HTR4: variants seen among roughly 807,000 people sequenced by gnomAD.
The protein encoded by HTR4 is 5-hydroxytryptamine receptor 4.
Under a neutral mutation model 36.8 loss-of-function variants are expected in HTR4, and 16 were observed. The ratio of observed to expected loss-of-function variants is 0.43; its 90% confidence interval spans 0.29 to 0.66. HTR4 has a LOEUF of 0.66. Ranked by LOEUF, HTR4 falls within the 30% of genes least tolerant of loss-of-function variation. The probability of loss-of-function intolerance (pLI) is 0.13; values close to 1 mark genes in which losing one functional copy is unlikely to be tolerated. For synonymous variants in HTR4, 189 were observed against 185.1 expected (o/e 1.02, Z -0.17); for missense variants, 438 against 490.9 (o/e 0.89, Z 1.02).
At chr5:148,469,778 C>T (rs1034364236) in intron 5 of HTR4, among the ~76,000 whole-genome samples, 1 of 152,180 alleles carries the variant, frequency 6.6e-6, no homozygotes, top group African/African-American at 2.4e-5. Context: ...CAAAGTATAT[C>T]ATTTGGAGAA....
chr5:148,595,104 G>T (rs564431696), intron 2 of HTR4, among the ~76,000 whole-genome samples: 10 of 150,184 alleles, frequency 6.7e-5, no homozygotes, highest in South Asian at 2.1e-4. Flanking sequence ...TAACCAAATG[G>T]GATTATACAA....
intron 2 of HTR4, among the ~76,000 whole-genome samples, chr5:148,573,550 CTTATA>C (rs1561627634): frequency 4.6e-5 from 7 of 151,788 alleles, no homozygotes; most frequent in Non-Finnish European, 2.9e-5. Context: ...CTGGAAGTGA[CTTATA>C]TTATATCTAC....
chr5:148,608,792 G>A (rs764068338), intron 2 of HTR4, among the ~76,000 whole-genome samples: 1 of 152,214 alleles, frequency 6.6e-6, no homozygotes, highest in Non-Finnish European at 1.5e-5. Context: ...TAACCCAGGT[G>A]AGAGATGATA....
chr5:148,653,300 A>T (rs1389003951), intron 1 of HTR4, among the ~76,000 whole-genome samples: 1 of 152,134 alleles, frequency 6.6e-6, no homozygotes, highest in Non-Finnish European at 1.5e-5. Flanking sequence ...TTCTCTTAAC[A>T]TTGAACTCTA....
At chr5:148,561,441 T>C (rs996678972) in intron 2 of HTR4, among the ~76,000 whole-genome samples, 1 of 152,180 alleles carries the variant, frequency 6.6e-6, no homozygotes, top group African/African-American at 2.4e-5. Context: ...TCAATTCTTC[T>C]TGGAAATGAA....
At chr5:148,623,707 T>G (rs1047277832) in intron 2 of HTR4, among the ~76,000 whole-genome samples, 3 of 152,290 alleles carry the variant, frequency 2.0e-5, no homozygotes, top group Non-Finnish European at 4.4e-5. Context: ...AATGGAATTC[T>G]GATACACAGG....
chr5:148,494,213 A>G (rs1405071268), intron 6 of HTR4, among the ~76,000 whole-genome samples: 1 of 152,256 alleles, frequency 6.6e-6, no homozygotes, highest in Non-Finnish European at 1.5e-5. Flanking sequence ...ACAGTGAAGT[A>G]TAAGAACATG....
chr5:148,609,693 G>T (rs1388932486), intron 2 of HTR4, among the ~76,000 whole-genome samples: 1 of 151,664 alleles, frequency 6.6e-6, no homozygotes. Context: ...AGCCTCCCGA[G>T]TAGCTGGGAC....
downstream of HTR4, among the ~76,000 whole-genome samples, chr5:148,471,825 A>G (rs541886092): frequency 6.6e-6 from 1 of 152,228 alleles, no homozygotes; most frequent in Non-Finnish European, 1.5e-5. Flanking sequence ...TTTTTAGGGA[A>G]AAGATCATGG....
intron 2 of HTR4, among the ~76,000 whole-genome samples, chr5:148,607,574 G>T (rs570935722): frequency 6.6e-6 from 1 of 152,250 alleles, no homozygotes; most frequent in East Asian, 1.9e-4. Flanking sequence ...CCCACTTGCA[G>T]TTCAAGTGCC....
At chr5:148,508,229 C>T (rs1205149728) in intron 6 of HTR4, among the ~76,000 whole-genome samples, 2 of 152,134 alleles carry the variant, frequency 1.3e-5, no homozygotes, top group Admixed American at 6.6e-5. Flanking sequence ...AAATTAAATG[C>T]TTGTTTCAAA....
intron 4 of HTR4, among the ~76,000 whole-genome samples, chr5:148,523,781 T>C (rs1242843831): frequency 1.3e-5 from 2 of 152,178 alleles, no homozygotes; most frequent in Admixed American, 6.5e-5. Flanking sequence ...TCTTTTCTAT[T>C]TCTGGCACTG....
chr5:148,523,090 T>C (rs1289190529), intron 5 of HTR4, 103 bp downstream of exon 5: 3 of 1,130,790 alleles, frequency 2.7e-6, no homozygotes, highest in Non-Finnish European at 3.8e-6. Flanking sequence ...CCCAGACCAC[T>C]ATCAGATTCT....
intron 1 of HTR4, among the ~76,000 whole-genome samples, chr5:148,649,766 T>C (rs1382463328): frequency 6.6e-6 from 1 of 152,224 alleles, no homozygotes; most frequent in Non-Finnish European, 1.5e-5. Flanking sequence ...ATTATTGACC[T>C]TTCAGTCTTG....
At chr5:148,573,995 C>A (rs765426440) in intron 2 of HTR4, among the ~76,000 whole-genome samples, 1 of 152,042 alleles carries the variant, frequency 6.6e-6, no homozygotes, top group African/African-American at 2.4e-5. Context: ...CTCAGGCCAG[C>A]TAAACAACCA....
Position 148,482,389 on chromosome 5 carries a change from A to G in HTR4, c.*814T>C. On this transcript the variant is annotated 3_prime_UTR_variant, in exon 7 of 7. Coordinates refer to ENST00000377888, the MANE Select transcript of HTR4 (RefSeq NM_000870.7). The stretch of plus-strand genomic sequence containing the variant: ...AGAAGACGTCCCGTTCTAGCCCAGC[A>G]GGAGAGCGAGCATCTCAGGGCAGAC... 1.0e-6 allele frequency: 1 copy of G among 985,654 alleles called. No individual in the cohort carries two copies. Among genetic ancestry groups the G allele is most frequent in the South Asian group, 4.7e-5 (1 of 21,294 alleles). The allele number at this position is 985,654 out of a possible 1,614,324, so 61.1% of individuals were successfully genotyped here.
intron 6 of HTR4, among the ~76,000 whole-genome samples, chr5:148,493,335 T>C (rs1310466579): frequency 6.6e-6 from 1 of 152,242 alleles, no homozygotes; most frequent in Non-Finnish European, 1.5e-5. Flanking sequence ...TAGTAGAATG[T>C]GTATGTATCA....
rs1327210596 is a variant in HTR4, at chr5:148,567,756, C to T, written c.27-17494G>A. On this transcript the variant is annotated intron_variant, in intron 2 of 6. Transcript: ENST00000377888. Reference sequence around the variant, plus strand: ...TTAGGTCTCTGCTCAAAGGTGTCCCCATCAAAGAGCATTTTCCTGACTATT... The same window carrying T: ...TTAGGTCTCTGCTCAAAGGTGTCCCTATCAAAGAGCATTTTCCTGACTATT... Among the ~76,000 whole-genome samples the T allele has an allele frequency of 5.3e-5, 8 of 152,134 alleles. No individual in the cohort carries two copies. The East Asian group carries it at 1.5e-3, about 29-fold the overall frequency.
Position 148,577,416 on chromosome 5 carries a change from G to A in HTR4, c.27-27154C>T, listed in dbSNP as rs559011275. 1.6e-4 allele frequency among the ~76,000 whole-genome samples: 25 copies of A among 152,074 alleles called. 1 individual carries two copies. Among genetic ancestry groups the A allele is most frequent in the African/African-American group, 5.3e-4 (22 of 41,534 alleles). Reference sequence around the variant, plus strand: ...TTGTGGAAAGCAGTATAGTGATTCCGCAAAGAGCTAAAAGCAGAACTACCA... The same window carrying A: ...TTGTGGAAAGCAGTATAGTGATTCCACAAAGAGCTAAAAGCAGAACTACCA... On this transcript the variant is annotated intron_variant, in intron 2 of 6. Transcript: ENST00000377888.
Sources: allele counts gnomAD v4.1 joint callset (sites outside exome capture counted in the v4.1 genomes callset), GRCh38; gene constraint gnomAD v4.1.1; transcripts MANE v1.5; gene names NCBI Gene and HGNC (gene_info 2026-07-23, HGNC 2026-07-21).